MOSMO: variants seen among roughly 807,000 people sequenced by gnomAD.
MOSMO encodes the protein modulator of smoothened, also known as modulator of smoothened protein.
A neutral mutation model predicts 18.4 loss-of-function variants in MOSMO; 5 were observed. That is an observed-to-expected ratio of 0.27 (90% CI 0.14 to 0.57). MOSMO has a LOEUF of 0.57. Among genes scored for constraint, MOSMO ranks in the 20% least tolerant of loss-of-function variants. The pLI, the probability that MOSMO is intolerant of heterozygous loss-of-function variation, is 0.92. For synonymous variants in MOSMO, 82 were observed against 82.3 expected (o/e 1.00, Z 0.02); for missense variants, 138 against 211.8 (o/e 0.65, Z 2.16).
Position 22,081,658 on chromosome 16 carries a change from A to C in MOSMO, c.*778A>C, listed in dbSNP as rs756228308. On this transcript the variant is annotated 3_prime_UTR_variant, in exon 3 of 3. Transcript: ENST00000542527. ...TGTGTGTGTATGTGTGTGTAAATTT[A>C]TATACACACACATGCAAACAGTTCC... The C allele has an allele frequency of 6.6e-6, 1 of 150,442 alleles. No individual in the cohort carries two copies. The highest frequency in any genetic ancestry group is 1.5e-5 in the Non-Finnish European group (1 of 67,822). 9.3% of individuals were successfully genotyped at this position (150,442 alleles called of 1,614,324 possible).
intron 1 of MOSMO, among the ~76,000 whole-genome samples, chr16:22,047,723 C>T (rs1272172212): frequency 6.6e-6 from 1 of 152,024 alleles, no homozygotes; most frequent in African/African-American, 2.4e-5. Flanking sequence ...TTGAAGTTTC[C>T]TTAGAAAGGC....
intron 1 of MOSMO, among the ~76,000 whole-genome samples, chr16:22,031,956 A>AT (rs1364115917): frequency 6.6e-6 from 1 of 152,060 alleles, no homozygotes; most frequent in African/African-American, 2.4e-5. Context: ...TGGTTGTACC[A>AT]TTTTCCATTT....
intron 1 of MOSMO, among the ~76,000 whole-genome samples, chr16:22,061,353 T>G (rs779144253): frequency 3.9e-5 from 6 of 152,198 alleles, no homozygotes; most frequent in Non-Finnish European, 7.3e-5. Flanking sequence ...ACTTGTAAAA[T>G]GGGACAGTAG....
chr16:22,061,643 G>A (rs565274927), intron 1 of MOSMO, among the ~76,000 whole-genome samples: 1 of 152,300 alleles, frequency 6.6e-6, no homozygotes, highest in African/African-American at 2.4e-5. Context: ...ATGAATGAAA[G>A]CTTGGTATAG....
intron 1 of MOSMO, among the ~76,000 whole-genome samples, chr16:22,043,390 TA>T (rs1468956832): frequency 3.3e-5 from 5 of 152,208 alleles, no homozygotes; most frequent in African/African-American, 1.2e-4. Context: ...ATATAGGGAT[TA>T]TTTTTCCTTA....
At chr16:22,070,440 G>C (rs1188914433) in intron 1 of MOSMO, among the ~76,000 whole-genome samples, 1 of 152,180 alleles carries the variant, frequency 6.6e-6, no homozygotes, top group Non-Finnish European at 1.5e-5. Flanking sequence ...AAGGACTCTA[G>C]GCTGGGTAGG....
intron 1 of MOSMO, among the ~76,000 whole-genome samples, chr16:22,009,393 TCTTTC>T (rs1442925670): frequency 2.0e-5 from 3 of 151,898 alleles, no homozygotes; most frequent in Non-Finnish European, 4.4e-5. Flanking sequence ...GAGGCGGGCA[TCTTTC>T]TGAAGGGTAC....
At chr16:22,046,737 A>G (rs557271579) in intron 1 of MOSMO, among the ~76,000 whole-genome samples, 145 of 152,306 alleles carry the variant, frequency 9.5e-4, no homozygotes, top group South Asian at 6.8e-3. Context: ...TGCACTTACT[A>G]TAGGAGAACT....
intron 1 of MOSMO, among the ~76,000 whole-genome samples, chr16:22,041,982 A>G (rs1451496999): frequency 1.3e-5 from 2 of 152,180 alleles, no homozygotes; most frequent in Non-Finnish European, 2.9e-5. Context: ...CACTATGCCT[A>G]TTCATCTTCT....
chr16:22,038,583 G>T (rs1044536506), intron 1 of MOSMO, among the ~76,000 whole-genome samples: 1 of 152,312 alleles, frequency 6.6e-6, no homozygotes, highest in Admixed American at 6.5e-5. Flanking sequence ...GAAATTGAGG[G>T]AGTCCACCTC....
chr16:22,057,977 G>A (rs1053681560), intron 1 of MOSMO, among the ~76,000 whole-genome samples: 23 of 152,266 alleles, frequency 1.5e-4, no homozygotes, highest in Admixed American at 1.4e-3. Flanking sequence ...GAGCCAAGTG[G>A]GGGGAGTGAG....
chr16:22,057,850 G>C (rs928272615), intron 1 of MOSMO, among the ~76,000 whole-genome samples: 3 of 152,166 alleles, frequency 2.0e-5, no homozygotes, highest in African/African-American at 7.2e-5. Flanking sequence ...GAGTTAGCAA[G>C]AACATGAGCA....
intron 1 of MOSMO, among the ~76,000 whole-genome samples, chr16:22,044,573 G>A (rs953921745): frequency 1.3e-5 from 2 of 152,128 alleles, no homozygotes; most frequent in African/African-American, 4.8e-5. Flanking sequence ...TATAATTAAT[G>A]CAGATATTCT....
intron 1 of MOSMO, among the ~76,000 whole-genome samples, chr16:22,018,039 C>CT (rs905863840): frequency 1.9e-4 from 28 of 148,378 alleles, no homozygotes; most frequent in East Asian, 3.9e-4. Context: ...TGAATCACTG[C>CT]TTTTTTTTTT....
chr16:22,056,256 A>G (rs1900530688), intron 1 of MOSMO, among the ~76,000 whole-genome samples: 1 of 151,864 alleles, frequency 6.6e-6, no homozygotes, highest in Non-Finnish European at 1.5e-5. Flanking sequence ...CTTATATTCT[A>G]GGACATCTGC....
intron 1 of MOSMO, among the ~76,000 whole-genome samples, chr16:22,026,293 A>G (rs945936878): frequency 7.0e-6 from 1 of 143,390 alleles, no homozygotes; most frequent in African/African-American, 2.6e-5. Flanking sequence ...ATTTTGGCTC[A>G]CTGCAACCTC....
In MOSMO at chr16:22,084,552, A is replaced by G. The variant is rs1054117119; in HGVS notation, c.*3672A>G. ...TTTTTCAATTAATAGTTTCAAAACAAATTGTTAATACAACTGTATAAAATG... is the reference window on the plus strand; with the variant it reads ...TTTTTCAATTAATAGTTTCAAAACAGATTGTTAATACAACTGTATAAAATG... On this transcript the variant is annotated 3_prime_UTR_variant, in exon 3 of 3. Transcript: ENST00000542527. The G allele has an allele frequency of 6.6e-6, 1 of 152,196 alleles. No homozygotes were observed. The highest frequency in any genetic ancestry group is 2.4e-5 in the African/African-American group (1 of 41,454). The allele number at this position is 152,196 out of a possible 1,614,324, so 9.4% of individuals were successfully genotyped here. A position where few individuals can be genotyped will look rare whatever the true frequency, so the allele number is the denominator to read the frequency against.
At chr16:22,086,377 G>A (rs1276755315), downstream of MOSMO, among the ~76,000 whole-genome samples, 1 of 152,070 alleles carries the variant, frequency 6.6e-6, no homozygotes, top group African/African-American at 2.4e-5. Context: ...CAACCAGCCT[G>A]TTCTCCATTC....
chr16:22,031,392 C>T (rs969110814), intron 1 of MOSMO, among the ~76,000 whole-genome samples: 4 of 152,178 alleles, frequency 2.6e-5, no homozygotes, highest in Non-Finnish European at 5.9e-5. Flanking sequence ...TCACATCATA[C>T]AGTTTACCCC....
Sources: gnomAD v4.1 joint callset for allele counts (sites outside exome capture counted in the v4.1 genomes callset) on GRCh38, gnomAD v4.1.1 for gene constraint, MANE v1.5 for transcripts, NCBI Gene and HGNC (gene_info 2026-07-23, HGNC 2026-07-21) for gene names.